The following KBTBD12 variants were observed in gnomAD, a reference collection of about 807,000 sequenced individuals.
KBTBD12 encodes the protein kelch repeat and BTB domain containing 12, also known as kelch repeat and BTB domain-containing protein 12.
A neutral mutation model predicts 58.7 loss-of-function variants in KBTBD12; 53 were observed. That is an observed-to-expected ratio of 0.90 (90% CI 0.72 to 1.14). The LOEUF is 1.14. KBTBD12 is among the 50% of genes most tolerant of loss of function. KBTBD12 has a pLI of 0.00. For missense variants in KBTBD12, 704 were observed against 751.3 expected (o/e 0.94, Z 0.74); for synonymous variants, 236 against 259.8 (o/e 0.91, Z 0.88).
At position 127,923,867 on chromosome 3, in the gene KBTBD12, A is replaced by G. The variant is rs1423224259; in HGVS notation, c.806A>G (p.Tyr269Cys). Residue 269 changes from tyrosine (Y) to cysteine (C), a missense_variant, in exon 2 of 6, where the codon TAT becomes TGT. Physicochemically the swap from Tyr to Cys is radical, Grantham distance 194. Transcript: ENST00000405109. ...CAACAGCACTCTCTAAATCTGCGCT[A>G]TGGTATGGAGACTACCAGTCTTCTG... ...TPQQHSLNLR[Y>C]GMETTSLLLC... The G allele has an allele frequency of 3.7e-6, 6 of 1,613,838 alleles. No homozygotes were observed. Among genetic ancestry groups the G allele is most frequent in the East Asian group, 2.2e-5 (1 of 44,890 alleles).
intron 5 of KBTBD12, among the ~76,000 whole-genome samples, chr3:127,975,369 G>A (rs1940765690): frequency 6.6e-6 from 1 of 152,214 alleles, no homozygotes; most frequent in Non-Finnish European, 1.5e-5. Context: ...GGATCACAGA[G>A]GAGATATGGC....
chr3:127,948,889 T>C (rs1451063906), intron 4 of KBTBD12, among the ~76,000 whole-genome samples: 1 of 152,218 alleles, frequency 6.6e-6, no homozygotes, highest in Non-Finnish European at 1.5e-5. Context: ...GGGAACTAAC[T>C]TATCAGCTGT....
intron 5 of KBTBD12, among the ~76,000 whole-genome samples, chr3:127,966,972 A>G (rs1028210950): frequency 2.0e-4 from 31 of 152,388 alleles, no homozygotes; most frequent in Admixed American, 2.0e-3. Flanking sequence ...TGGGAAAATT[A>G]CTTTCCACCT....
At chr3:127,974,407 C>T (rs1940741070) in intron 5 of KBTBD12, among the ~76,000 whole-genome samples, 1 of 152,170 alleles carries the variant, frequency 6.6e-6, no homozygotes, top group South Asian at 2.1e-4. Flanking sequence ...CAGTTTCATC[C>T]TGTACCGTCA....
chr3:127,960,126 T>A (rs1365628583), intron 4 of KBTBD12, among the ~76,000 whole-genome samples: 3 of 152,172 alleles, frequency 2.0e-5, no homozygotes, highest in Admixed American at 6.5e-5. Context: ...CAAGCACCAC[T>A]GCATTCAAGG....
rs536627338 is a variant in KBTBD12 at position 127,922,891 on chromosome 3, A to G, written c.-112-59A>G. The G allele has an allele frequency of 2.0e-4, 111 of 543,652 alleles. 1 individual carries two copies. Among genetic ancestry groups the G allele is most frequent in the Non-Finnish European group, 3.5e-4 (106 of 306,012 alleles). The allele number at this position is 543,652 out of a possible 1,614,324, so 33.7% of individuals were successfully genotyped here. The stretch of plus-strand genomic sequence containing the variant: ...ATACTTTTTTTAGAACTAATGCTGC[A>G]TATCTAAATTATAGAGAATTTTTTC... On this transcript the variant is annotated intron_variant, in intron 1 of 5. Transcript: ENST00000405109.
chr3:127,927,019 A>G (rs1295342536), intron 2 of KBTBD12, among the ~76,000 whole-genome samples: 1 of 152,260 alleles, frequency 6.6e-6, no homozygotes, highest in Non-Finnish European at 1.5e-5. Context: ...CCCAGTGACC[A>G]TACAATGCCC....
Position 127,923,237 on chromosome 3 carries a change from T to C in KBTBD12, c.176T>C (p.Met59Thr), listed in dbSNP as rs1477844135. ...GCATTTAGCCCTTATTTCAAAGCTA[T>C]GTTCACCTGTGGACTACTTGAATGT... ...LAAFSPYFKAMFTCGLLECNQ... is the reference protein window; with the variant it reads ...LAAFSPYFKATFTCGLLECNQ... Residue 59 changes from methionine to threonine, a missense_variant, in exon 2 of 6, where the codon ATG (methionine) becomes ACG (threonine). Transcript: ENST00000405109. 6 of 1,613,864 alleles carry C rather than the reference T, an allele frequency of 3.7e-6. No individual in the cohort carries two copies. The highest frequency in any genetic ancestry group is 1.1e-5 in the South Asian group (1 of 91,068).
In KBTBD12 at chr3:127,923,252, T is replaced by C. The variant is rs1559759424; in HGVS notation, c.191T>C (p.Leu64Pro). 4 of 1,613,892 alleles carry C rather than the reference T, an allele frequency of 2.5e-6. No homozygotes were observed. Among genetic ancestry groups the C allele is most frequent in the Non-Finnish European group, 3.4e-6 (4 of 1,179,802 alleles). Residue 64 changes from leucine (L) to proline (P), a missense_variant, in exon 2 of 6, where the codon CTA (leucine) becomes CCA (proline). Coordinates refer to ENST00000405109, the MANE Select transcript of KBTBD12 (RefSeq NM_207335.4). ...PYFKAMFTCG[L>P]LECNQREVIL... ...TTCAAAGCTATGTTCACCTGTGGAC[T>C]ACTTGAATGTAATCAAAGGGAAGTC...
intron 5 of KBTBD12, among the ~76,000 whole-genome samples, chr3:127,971,945 G>C (rs1426768391): frequency 6.6e-6 from 1 of 152,120 alleles, no homozygotes; most frequent in East Asian, 1.9e-4. Context: ...TCACCCCTCT[G>C]CCTCCTCTAG....
intron 4 of KBTBD12, among the ~76,000 whole-genome samples, chr3:127,935,629 A>G (rs1352227288): frequency 6.6e-6 from 1 of 152,106 alleles, no homozygotes; most frequent in East Asian, 1.9e-4. Flanking sequence ...TGCACTTAAA[A>G]ATGTGTTAAA....
chr3:127,978,566 G>C (rs928845037), intron 5 of KBTBD12, among the ~76,000 whole-genome samples: 1 of 152,172 alleles, frequency 6.6e-6, no homozygotes, highest in African/African-American at 2.4e-5. Flanking sequence ...TCTGTTCCAA[G>C]GAGGAAGGAA....
chr3:127,925,942 G>C (rs1199212175), intron 2 of KBTBD12, among the ~76,000 whole-genome samples: 1 of 152,056 alleles, frequency 6.6e-6, no homozygotes, highest in Non-Finnish European at 1.5e-5. Context: ...ATGTTCTTCA[G>C]CTTGCCTCTA....
chr3:127,978,605 A>G (rs1006610900), intron 5 of KBTBD12, among the ~76,000 whole-genome samples: 6 of 152,058 alleles, frequency 3.9e-5, no homozygotes, highest in Non-Finnish European at 5.9e-5. Flanking sequence ...GACAGGGGGA[A>G]TTTTTTCTTT....
At position 127,931,692 on chromosome 3, in the gene KBTBD12, A is replaced by C. The variant is rs570305243; in HGVS notation, c.1492+1409A>C. 7.9e-5 allele frequency among the ~76,000 whole-genome samples: 12 copies of C among 152,308 alleles called. No individual in the cohort carries two copies. The South Asian group carries it at 1.9e-3, about 24-fold the overall frequency. ...CTCGTGGGAGCTTACACTTCATGGCATGGACACTGTCCATTGAATGAATGA... is the reference window on the plus strand; with the variant it reads ...CTCGTGGGAGCTTACACTTCATGGCCTGGACACTGTCCATTGAATGAATGA... On this transcript the variant is annotated intron_variant, in intron 4 of 5. Transcript: ENST00000405109.
chr3:127,918,268 G>A (rs940155836), intron 1 of KBTBD12, among the ~76,000 whole-genome samples: 1 of 152,232 alleles, frequency 6.6e-6, no homozygotes, highest in Non-Finnish European at 1.5e-5. Flanking sequence ...CAATAGCAGT[G>A]CAGCAACCAC....
At chr3:127,937,699 C>G (rs2107597099) in intron 4 of KBTBD12, among the ~76,000 whole-genome samples, 1 of 151,914 alleles carries the variant, frequency 6.6e-6, no homozygotes, top group South Asian at 2.1e-4. Context: ...CACAAACAAG[C>G]AAAAATAGTG....
rs1940930306 is a variant in KBTBD12, at chr3:127,984,383, G to C, written c.*105G>C. 9.4e-7 allele frequency: 1 copy of C among 1,058,556 alleles called. No homozygotes were observed. The highest frequency in any genetic ancestry group is 1.4e-6 in the Non-Finnish European group (1 of 730,114). The allele number at this position is 1,058,556 out of a possible 1,614,324, so 65.6% of individuals were successfully genotyped here. The stretch of plus-strand genomic sequence containing the variant: ...GCCAGTCATGTGCACTGCATGCGTA[G>C]TGGCCTGTGTGTGAAGAAGCAGTGT... On this transcript the variant is annotated 3_prime_UTR_variant, in exon 6 of 6. Coordinates refer to ENST00000405109, the MANE Select transcript of KBTBD12 (RefSeq NM_207335.4).
At chr3:127,965,853 GAGAA>G (rs1273810631) in intron 5 of KBTBD12, among the ~76,000 whole-genome samples, 1 of 152,172 alleles carries the variant, frequency 6.6e-6, no homozygotes. Flanking sequence ...GCAGATGTAT[GAGAA>G]AGTGTAATCC....
Sources: allele counts gnomAD v4.1 joint callset (sites outside exome capture counted in the v4.1 genomes callset), GRCh38; gene constraint gnomAD v4.1.1; transcripts MANE v1.5; gene names NCBI Gene and HGNC (gene_info 2026-07-23, HGNC 2026-07-21).